The following SUSD4 variants were observed in gnomAD, a reference collection of about 807,000 sequenced individuals.
The protein encoded by SUSD4 is sushi domain-containing protein 4.
In SUSD4, 41 loss-of-function variants were observed where a neutral mutation model predicts 50.5. That is an observed-to-expected ratio of 0.81 (90% CI 0.63 to 1.05). SUSD4 has a LOEUF of 1.05. Ranked by LOEUF, SUSD4 falls within the 50% of genes least tolerant of loss-of-function variation. SUSD4 has a pLI of 0.00. For synonymous variants in SUSD4, 257 were observed against 257.3 expected (o/e 1.00, Z 0.01); for missense variants, 580 against 634.7 (o/e 0.91, Z 0.93).
rs555851306 is a variant in SUSD4 at position 223,253,462 on chromosome 1, C to G, written c.724+11168G>C. 3.0e-4 allele frequency among the ~76,000 whole-genome samples: 45 copies of G among 152,170 alleles called. 1 individual carries two copies. Among genetic ancestry groups the G allele is most frequent in the Admixed American group, 2.2e-3 (34 of 15,284 alleles). On this transcript the variant is annotated intron_variant, in intron 5 of 8. Coordinates refer to ENST00000366878, the MANE Select transcript of SUSD4 (RefSeq NM_017982.4). ...ATGACTATTTTACCCACGCATCACT[C>G]CAAATGTCTAATTAATTTGGGAGAA...
At position 223,268,575 on chromosome 1, in the gene SUSD4, C is replaced by T; in HGVS notation, c.462G>A (p.Arg154=). The change falls in exon 4 of 9, where the codon CGG becomes CGA. Residue 154 remains arginine, a synonymous_variant. Coordinates refer to ENST00000366878, the MANE Select transcript of SUSD4 (RefSeq NM_017982.4). ...IITCHEGFKI[R]YPDLHNMVSL... Reference sequence around the variant, plus strand: ...AAACCATATTGTGTAGGTCGGGGTACCGGATCTTGAATCCTTCATGACAAG... The same window carrying T: ...AAACCATATTGTGTAGGTCGGGGTATCGGATCTTGAATCCTTCATGACAAG... 2 of 1,611,464 alleles carry T rather than the reference C, an allele frequency of 1.2e-6. No homozygotes were observed. Among genetic ancestry groups the T allele is most frequent in the South Asian group, 2.2e-5 (2 of 90,654 alleles).
chr1:223,293,578 G>A (rs913932610), intron 2 of SUSD4, among the ~76,000 whole-genome samples: 1 of 152,214 alleles, frequency 6.6e-6, no homozygotes, highest in Non-Finnish European at 1.5e-5. Flanking sequence ...CCAGGCAGGA[G>A]AGCAAGCAAG....
At chr1:223,271,264 C>T (rs545417898) in intron 3 of SUSD4, among the ~76,000 whole-genome samples, 4 of 152,282 alleles carry the variant, frequency 2.6e-5, no homozygotes, top group South Asian at 4.1e-4. Context: ...ATTATGGACA[C>T]GTGGACATTG....
intron 4 of SUSD4, 93 bp from the exon 5 acceptor site, chr1:223,264,911 C>CCCACCTCTGAAGGTGAAAATGGCA: frequency 2.3e-6 from 3 of 1,330,228 alleles, no homozygotes; most frequent in Non-Finnish European, 3.1e-6. Flanking sequence ...TTAGGATTCC[C>CCCACCTCTGAAGGTGAAAATGGCA]CCACCTCTGA....
intron 2 of SUSD4, chr1:223,360,313 T>TG: frequency 2.2e-6 from 1 of 458,458 alleles, no homozygotes. Context: ...TCAAGTGTAC[T>TG]GGGGCAGAAA....
At chr1:223,236,507 T>C (rs904985493) in intron 5 of SUSD4, among the ~76,000 whole-genome samples, 4 of 152,164 alleles carry the variant, frequency 2.6e-5, no homozygotes, top group Non-Finnish European at 4.4e-5. Flanking sequence ...CGATCTATTT[T>C]GAGTTAATTT....
At chr1:223,340,406 G>A (rs1444264209) in intron 2 of SUSD4, among the ~76,000 whole-genome samples, 1 of 152,180 alleles carries the variant, frequency 6.6e-6, no homozygotes, top group Non-Finnish European at 1.5e-5. Context: ...TCTGCTTGGG[G>A]TGCAGAGCTG....
intron 2 of SUSD4, among the ~76,000 whole-genome samples, chr1:223,316,985 G>T (rs1346163483): frequency 6.6e-6 from 1 of 152,148 alleles, no homozygotes; most frequent in African/African-American, 2.4e-5. Context: ...TCAACCAGAG[G>T]TTAGGCTGAT....
intron 3 of SUSD4, among the ~76,000 whole-genome samples, chr1:223,274,485 T>A (rs1033729163): frequency 6.6e-6 from 1 of 152,188 alleles, no homozygotes; most frequent in Non-Finnish European, 1.5e-5. Context: ...TAAGACCTTT[T>A]GGCTTGCAGC....
At chr1:223,307,487 A>G (rs1665612314) in intron 2 of SUSD4, among the ~76,000 whole-genome samples, 1 of 152,204 alleles carries the variant, frequency 6.6e-6, no homozygotes, top group South Asian at 2.1e-4. Flanking sequence ...CAACTTTCAA[A>G]CACTCTTTTT....
chr1:223,320,115 T>C (rs78320044), intron 2 of SUSD4, among the ~76,000 whole-genome samples: 9,755 of 152,286 alleles, frequency 0.064, 372 homozygotes, highest in East Asian at 0.12. Context: ...CCTTTGTTCT[T>C]GCTCATCCAG....
intron 2 of SUSD4, among the ~76,000 whole-genome samples, chr1:223,310,589 G>A (rs1465803917): frequency 6.6e-6 from 1 of 152,078 alleles, no homozygotes; most frequent in Admixed American, 6.6e-5. Flanking sequence ...AAAGACGTGT[G>A]CACATGGAAA....
chr1:223,253,104 A>C (rs750834786), intron 5 of SUSD4, among the ~76,000 whole-genome samples: 63 of 152,080 alleles, frequency 4.1e-4, no homozygotes, highest in Admixed American at 1.6e-3. Context: ...AAAAAAAAAA[A>C]AGAAAAAGAA....
intron 3 of SUSD4, among the ~76,000 whole-genome samples, chr1:223,287,409 C>T (rs940396048): frequency 1.3e-5 from 2 of 152,094 alleles, no homozygotes; most frequent in African/African-American, 4.8e-5. Context: ...ATTAAATGTG[C>T]GGTTTCAACA....
At chr1:223,235,484 G>T (rs916474330) in intron 5 of SUSD4, among the ~76,000 whole-genome samples, 8 of 151,726 alleles carry the variant, frequency 5.3e-5, no homozygotes, top group Non-Finnish European at 1.2e-4. Context: ...TAGTTTCATT[G>T]CCCCCCCAAA....
At chr1:223,223,130 TA>T (rs1425055512) in intron 8 of SUSD4, 118 bp downstream of exon 8, 1 of 1,386,278 alleles carries the variant, frequency 7.2e-7, no homozygotes, top group South Asian at 1.8e-5. Context: ...GAGTGAGAGG[TA>T]AACAGATTGA....
chr1:223,260,594 G>C (rs1347223204), intron 5 of SUSD4, among the ~76,000 whole-genome samples: 1 of 152,168 alleles, frequency 6.6e-6, no homozygotes, highest in African/African-American at 2.4e-5. Context: ...GGGACACACA[G>C]GGATGCAGGA....
intron 5 of SUSD4, among the ~76,000 whole-genome samples, chr1:223,250,237 C>T (rs1001587708): frequency 1.2e-4 from 18 of 152,006 alleles, no homozygotes; most frequent in African/African-American, 4.1e-4. Context: ...AAATAATATC[C>T]GTAAATCACC....
chr1:223,354,769 C>G (rs556183664), intron 2 of SUSD4, among the ~76,000 whole-genome samples: 3 of 152,198 alleles, frequency 2.0e-5, no homozygotes, highest in African/African-American at 7.2e-5. Context: ...TAAATTTTTA[C>G]AAAACAAGCA....
Sources: gnomAD v4.1 joint callset for allele counts (sites outside exome capture counted in the v4.1 genomes callset) on GRCh38, gnomAD v4.1.1 for gene constraint, MANE v1.5 for transcripts, NCBI Gene and HGNC (gene_info 2026-07-23, HGNC 2026-07-21) for gene names.